The following SEC11A variants were observed in gnomAD, a reference collection of about 807,000 sequenced individuals.
The protein encoded by SEC11A is SEC11 homolog A, signal peptidase complex subunit, also known as signal peptidase complex catalytic subunit SEC11A.
In SEC11A, 14 loss-of-function variants were observed where a neutral mutation model predicts 25.6. The ratio of observed to expected loss-of-function variants is 0.55; its 90% CI spans 0.36 to 0.85. The LOEUF is 0.85. Among genes scored for constraint, SEC11A ranks in the 40% least tolerant of loss-of-function variants. The pLI is 0.01. For missense variants in SEC11A, 153 were observed against 222.9 expected (o/e 0.69, Z 2.00); for synonymous variants, 83 against 76.4 (o/e 1.09, Z -0.45).
At chr15:84,697,764 G>A (rs963436311) in intron 1 of SEC11A, among the ~76,000 whole-genome samples, 1 of 152,006 alleles carries the variant, frequency 6.6e-6, no homozygotes, top group Non-Finnish European at 1.5e-5. Context: ...TTTCTGTATT[G>A]GCAGAAATAA....
At chr15:84,673,424 C>T in intron 4 of SEC11A, 1 of 164,748 alleles carries the variant, frequency 6.1e-6, no homozygotes, top group Non-Finnish European at 1.3e-5. Flanking sequence ...AATTCTTCTG[C>T]CTTGGGAAAA....
At chr15:84,671,403 G>A (rs1381991779) in intron 4 of SEC11A, 1 of 152,116 alleles carries the variant, frequency 6.6e-6, no homozygotes, top group Non-Finnish European at 1.5e-5. Context: ...AATATGCTCT[G>A]GAAATTCCTC....
intron 1 of SEC11A, among the ~76,000 whole-genome samples, chr15:84,696,493 G>T (rs1897770659): frequency 6.6e-6 from 1 of 152,112 alleles, no homozygotes; most frequent in Non-Finnish European, 1.5e-5. Context: ...TAGGACAATA[G>T]ATTCTGGGCC....
At chr15:84,699,252 T>A (rs572772766) in intron 1 of SEC11A, among the ~76,000 whole-genome samples, 40 of 147,974 alleles carry the variant, frequency 2.7e-4, no homozygotes, top group African/African-American at 1.0e-3. Context: ...GAGGCAGAGG[T>A]TGCAGTGAGC....
At chr15:84,682,967 A>G (rs1278549289) in intron 3 of SEC11A, among the ~76,000 whole-genome samples, 1 of 152,190 alleles carries the variant, frequency 6.6e-6, no homozygotes, top group Non-Finnish European at 1.5e-5. Flanking sequence ...TTAGATTCTA[A>G]GCCGGAAACT....
chr15:84,669,844 C>G lies in SEC11A; in HGVS notation c.*175G>C, dbSNP rs1205985240. 4.4e-6 allele frequency: 5 copies of G among 1,147,714 alleles called. No homozygotes were observed. The highest frequency in any genetic ancestry group is 6.2e-6 in the Non-Finnish European group (5 of 805,624). The allele number at this position is 1,147,714 out of a possible 1,614,324, so 71.1% of individuals were successfully genotyped here. A position where few individuals can be genotyped will look rare whatever the true frequency, so the allele number is the denominator to read the frequency against. ...GTCCCCTCGAGTGCACTCTGTGGTGCACATGCGCCCGCCCACACAAACTCT... is the reference window on the plus strand; with the variant it reads ...GTCCCCTCGAGTGCACTCTGTGGTGGACATGCGCCCGCCCACACAAACTCT... On this transcript the variant is annotated 3_prime_UTR_variant, in exon 6 of 6. Transcript: ENST00000268220.
intron 1 of SEC11A, among the ~76,000 whole-genome samples, chr15:84,702,585 C>T (rs554088842): frequency 6.6e-6 from 1 of 152,106 alleles, no homozygotes; most frequent in East Asian, 1.9e-4. Flanking sequence ...ATTATAGACA[C>T]AAGCAACAGT....
At chr15:84,698,887 C>T (rs1387725350) in intron 1 of SEC11A, among the ~76,000 whole-genome samples, 1 of 152,166 alleles carries the variant, frequency 6.6e-6, no homozygotes. Flanking sequence ...GTCCAAAATA[C>T]TTCTGGCCCC....
At chr15:84,711,006 G>C (rs999493910) in intron 1 of SEC11A, among the ~76,000 whole-genome samples, 7 of 150,830 alleles carry the variant, frequency 4.6e-5, no homozygotes, top group Non-Finnish European at 8.8e-5. Context: ...GGGGGCGGAG[G>C]TTCTAGTGAG....
At chr15:84,698,328 A>T (rs965663401) in intron 1 of SEC11A, among the ~76,000 whole-genome samples, 3 of 152,204 alleles carry the variant, frequency 2.0e-5, no homozygotes, top group Non-Finnish European at 2.9e-5. Context: ...AATGTGTCTT[A>T]GAGCTACAAA....
intron 1 of SEC11A, among the ~76,000 whole-genome samples, chr15:84,713,686 G>C (rs1898361382): frequency 2.0e-5 from 3 of 152,176 alleles, no homozygotes; most frequent in African/African-American, 7.2e-5. Flanking sequence ...TCATGTTTCT[G>C]TTCTTTCTTC....
chr15:84,693,149 A>G (rs1897658259), intron 1 of SEC11A, among the ~76,000 whole-genome samples: 1 of 152,154 alleles, frequency 6.6e-6, no homozygotes. Flanking sequence ...GCTTGTGGAC[A>G]TTCTACACAA....
chr15:84,707,701 G>C (rs1010612314), intron 1 of SEC11A, among the ~76,000 whole-genome samples: 5 of 152,074 alleles, frequency 3.3e-5, no homozygotes, highest in Non-Finnish European at 7.4e-5. Flanking sequence ...CTCCTAAGGG[G>C]AGCTCATCTT....
At chr15:84,714,481 G>A (rs541444027) in intron 1 of SEC11A, among the ~76,000 whole-genome samples, 48 of 152,276 alleles carry the variant, frequency 3.2e-4, no homozygotes, top group Admixed American at 3.1e-3. Context: ...TGCAACTAAT[G>A]TCAGTGAAGT....
chr15:84,670,509 GATTACAGGCGTGAGCC>G, intron 5 of SEC11A, 200 bp downstream of exon 5: 1 of 332,486 alleles, frequency 3.0e-6, no homozygotes, highest in Non-Finnish European at 5.6e-6. Context: ...AAAGTGCTGG[GATTACAGGCGTGAGCC>G]ACTGCGCCCA....
chr15:84,670,155 G>A, intron 5 of SEC11A, 86 bp from the exon 6 acceptor site: 1 of 1,295,908 alleles, frequency 7.7e-7, no homozygotes. Flanking sequence ...TGGTCTTTGT[G>A]AATATATCGC....
At position 84,687,706 on chromosome 15, in the gene SEC11A, A is replaced by T; in HGVS notation, c.230T>A (p.Ile77Lys). 2 of 1,602,288 alleles carry T rather than the reference A, an allele frequency of 1.2e-6. No homozygotes were observed. The highest frequency in any genetic ancestry group is 1.7e-6 in the Non-Finnish European group (2 of 1,176,314). ...LFLTNRVEDP[I>K]RVGEIVVFRI... The stretch of plus-strand genomic sequence containing the variant: ...AAAAACAACAATTTCTCCCACTCGT[A>T]TGGGATCTTCAACTCGATTTGTTAG... The change falls in exon 3 of 6, where the codon ATA becomes AAA. Residue 77 changes from isoleucine (I) to lysine (K), a missense_variant. By Grantham distance (102) the Ile-to-Lys change is moderately radical. Coordinates refer to ENST00000268220, the MANE Select transcript of SEC11A (RefSeq NM_014300.4).
At chr15:84,677,289 A>G (rs1897159698) in intron 4 of SEC11A, among the ~76,000 whole-genome samples, 1 of 152,076 alleles carries the variant, frequency 6.6e-6, no homozygotes. Context: ...AAGTAAATTT[A>G]TATAGTTAAG....
At chr15:84,682,498 G>A (rs1897306867) in intron 3 of SEC11A, among the ~76,000 whole-genome samples, 1 of 152,122 alleles carries the variant, frequency 6.6e-6, no homozygotes, top group Admixed American at 6.6e-5. Context: ...GCCCAGGCTG[G>A]AGTGCAATGG....
Sources: gnomAD v4.1 joint callset for allele counts (sites outside exome capture counted in the v4.1 genomes callset) on GRCh38, gnomAD v4.1.1 for gene constraint, MANE v1.5 for transcripts, NCBI Gene and HGNC (gene_info 2026-07-23, HGNC 2026-07-21) for gene names.